EXT1: variants seen among roughly 807,000 people sequenced by gnomAD.
The protein encoded by EXT1 is exostosin-1.
In EXT1, 20 loss-of-function variants were observed where a neutral mutation model predicts 82.5. The ratio of observed to expected loss-of-function variants is 0.24; its 90% CI spans 0.17 to 0.35. The LOEUF (loss-of-function observed/expected upper bound fraction) is 0.35. Among genes scored for constraint, EXT1 ranks in the 10% least tolerant of loss-of-function variants. The pLI, the probability that EXT1 is intolerant of heterozygous loss-of-function variation, is 1.00. For synonymous variants in EXT1, 348 were observed against 350.8 expected (o/e 0.99, Z 0.09); for missense variants, 757 against 936.5 (o/e 0.81, Z 2.50).
intron 1 of EXT1, among the ~76,000 whole-genome samples, chr8:118,087,185 A>C (rs1039414230): frequency 3.3e-5 from 5 of 151,930 alleles, no homozygotes; most frequent in Non-Finnish European, 7.4e-5. Flanking sequence ...CAGCAAATAC[A>C]CCTTTGAATT....
At chr8:118,027,866 A>C (rs1053433847) in intron 1 of EXT1, among the ~76,000 whole-genome samples, 1 of 152,242 alleles carries the variant, frequency 6.6e-6, no homozygotes, top group East Asian at 1.9e-4. Context: ...CTTGGGAATT[A>C]TTACCTTTTA....
intron 1 of EXT1, among the ~76,000 whole-genome samples, chr8:117,939,983 A>G (rs1193758611): frequency 2.6e-5 from 4 of 152,248 alleles, no homozygotes; most frequent in Non-Finnish European, 5.9e-5. Flanking sequence ...GTTCTAGACC[A>G]AACTAGGACA....
intron 1 of EXT1, among the ~76,000 whole-genome samples, chr8:117,912,093 A>G (rs1028540774): frequency 6.6e-6 from 1 of 152,218 alleles, no homozygotes; most frequent in African/African-American, 2.4e-5. Flanking sequence ...AAAAAAGACT[A>G]TTGAAGACAA....
At chr8:117,808,666 G>A (rs1368154367) in intron 8 of EXT1, among the ~76,000 whole-genome samples, 1 of 152,148 alleles carries the variant, frequency 6.6e-6, no homozygotes, top group Non-Finnish European at 1.5e-5. Context: ...GGGGACGGAG[G>A]GATGCTGCTA....
At chr8:117,883,914 G>T (rs1283618030) in intron 1 of EXT1, among the ~76,000 whole-genome samples, 2 of 152,176 alleles carry the variant, frequency 1.3e-5, no homozygotes, top group Non-Finnish European at 2.9e-5. Context: ...AAGTTTTCGT[G>T]CCAGAAAGGT....
At chr8:117,819,555 G>A (rs1811885936) in intron 6 of EXT1, 121 bp downstream of exon 6, 4 of 811,190 alleles carry the variant, frequency 4.9e-6, no homozygotes, top group Non-Finnish European at 8.9e-6. Flanking sequence ...GGAGTAGCAG[G>A]GTATGATGTT....
intron 1 of EXT1, among the ~76,000 whole-genome samples, chr8:117,967,597 C>T (rs1484808694): frequency 6.6e-6 from 1 of 152,152 alleles, no homozygotes; most frequent in African/African-American, 2.4e-5. Flanking sequence ...AGGAACTAAG[C>T]CTGCTTTATT....
At chr8:117,932,164 T>C (rs1349775538) in intron 1 of EXT1, among the ~76,000 whole-genome samples, 1 of 152,182 alleles carries the variant, frequency 6.6e-6, no homozygotes, top group Non-Finnish European at 1.5e-5. Context: ...TTTGAGGTTT[T>C]TGGGGGGGTG....
intron 4 of EXT1, 140 bp downstream of exon 4, chr8:117,830,090 G>A (rs1168566219): frequency 9.3e-7 from 1 of 1,074,758 alleles, no homozygotes; most frequent in African/African-American, 1.6e-5. Flanking sequence ...AGGTAAAAGA[G>A]GTTAACCAAT....
At chr8:117,935,571 G>A (rs552267177) in intron 1 of EXT1, among the ~76,000 whole-genome samples, 2 of 151,940 alleles carry the variant, frequency 1.3e-5, no homozygotes, top group East Asian at 1.9e-4. Context: ...ATGTTGCCCA[G>A]GCTGGTCTCA....
intron 1 of EXT1, among the ~76,000 whole-genome samples, chr8:118,033,669 G>C (rs1816372622): frequency 6.6e-6 from 1 of 151,960 alleles, no homozygotes; most frequent in Non-Finnish European, 1.5e-5. Context: ...GTAGAGACGA[G>C]GGGTCTCACT....
intron 7 of EXT1, among the ~76,000 whole-genome samples, chr8:117,815,346 G>A (rs1030139847): frequency 7.2e-5 from 11 of 152,016 alleles, no homozygotes; most frequent in African/African-American, 2.7e-4. Flanking sequence ...GAAGATGTAG[G>A]GCTTCTTCCT....
At chr8:117,892,829 G>A (rs1813269669) in intron 1 of EXT1, among the ~76,000 whole-genome samples, 1 of 152,206 alleles carries the variant, frequency 6.6e-6, no homozygotes, top group African/African-American at 2.4e-5. Context: ...TGAGTTGGCT[G>A]TATATGAGAG....
chr8:117,839,353 TAAGA>T (rs890706509), intron 1 of EXT1, among the ~76,000 whole-genome samples: 6 of 152,204 alleles, frequency 3.9e-5, no homozygotes, highest in Non-Finnish European at 7.3e-5. Flanking sequence ...CATTTTTGGG[TAAGA>T]AAGAGGAATG....
intron 1 of EXT1, among the ~76,000 whole-genome samples, chr8:117,937,610 C>T (rs989350402): frequency 9.2e-5 from 14 of 152,212 alleles, no homozygotes; most frequent in African/African-American, 3.4e-4. Context: ...TCTTGTCAAA[C>T]GGTTTCCTTA....
At chr8:117,958,909 A>G (rs1348028268) in intron 1 of EXT1, among the ~76,000 whole-genome samples, 1 of 152,088 alleles carries the variant, frequency 6.6e-6, no homozygotes, top group Non-Finnish European at 1.5e-5. Flanking sequence ...CCTACTAAAC[A>G]TTCCCATTTT....
At position 117,871,775 on chromosome 8, in the gene EXT1, C is replaced by A. The variant is rs376059850; in HGVS notation, c.963-34574G>T. On this transcript the variant is annotated intron_variant, in intron 1 of 10. Coordinates refer to ENST00000378204, the MANE Select transcript of EXT1 (RefSeq NM_000127.3). ...GAGGCTTGTCTTCTAAAACTGCTTC[C>A]ACAGTATCCCCTAGGGTAGGGCTGG... 1.4e-4 allele frequency among the ~76,000 whole-genome samples: 22 copies of A among 152,180 alleles called. No homozygotes were observed. The South Asian group carries it at 1.7e-3, about 11-fold the overall frequency.
intron 1 of EXT1, among the ~76,000 whole-genome samples, chr8:117,932,984 C>T (rs1487850008): frequency 6.6e-6 from 1 of 152,070 alleles, no homozygotes; most frequent in Admixed American, 6.6e-5. Context: ...CCATCCTAGC[C>T]ATACTGGCCC....
intron 1 of EXT1, among the ~76,000 whole-genome samples, chr8:117,839,407 T>C (rs570581355): frequency 6.6e-6 from 1 of 152,328 alleles, no homozygotes; most frequent in South Asian, 2.1e-4. Context: ...TCCATACCAT[T>C]ATATGTATGT....
Sources: allele counts gnomAD v4.1 joint callset (sites outside exome capture counted in the v4.1 genomes callset), GRCh38; gene constraint gnomAD v4.1.1; transcripts MANE v1.5; gene names NCBI Gene and HGNC (gene_info 2026-07-23, HGNC 2026-07-21).